NUDCD1: variants seen among roughly 807,000 people sequenced by gnomAD.
NUDCD1 encodes the protein NudC domain containing 1.
Under a neutral mutation model 67.8 loss-of-function variants are expected in NUDCD1, and 60 were observed. The ratio of observed to expected loss-of-function variants is 0.88; its 90% CI spans 0.72 to 1.10. The LOEUF (loss-of-function observed/expected upper bound fraction) is 1.10, where lower values mean the gene tolerates loss of function less well. NUDCD1 is among the 50% of genes least tolerant of loss of function. The pLI is 0.00. For synonymous variants in NUDCD1, 244 were observed against 230.8 expected, an observed-to-expected ratio of 1.06 and a Z score of -0.52; for missense variants, 643 against 695.0, an observed-to-expected ratio of 0.93 and a Z score of 0.84.
chr8:109,278,211 A>G (rs1366785073), intron 6 of NUDCD1, among the ~76,000 whole-genome samples: 1 of 152,232 alleles, frequency 6.6e-6, no homozygotes, highest in Non-Finnish European at 1.5e-5. Flanking sequence ...GCCTAACTCT[A>G]TTCATTAATC....
At chr8:109,294,749 C>G (rs1814801656) in intron 3 of NUDCD1, among the ~76,000 whole-genome samples, 1 of 152,052 alleles carries the variant, frequency 6.6e-6, no homozygotes, top group African/African-American at 2.4e-5. Flanking sequence ...TTAGAGGCAA[C>G]ACATTTGGAA....
At chr8:109,245,948 A>AGATCAGCAGTG (rs1644670079) in intron 8 of NUDCD1, among the ~76,000 whole-genome samples, 1 of 152,328 alleles carries the variant, frequency 6.6e-6, no homozygotes, top group African/African-American at 2.4e-5. Context: ...ACCTCCTGTC[A>AGATCAGCAGTG]GATCAGCAGT....
intron 8 of NUDCD1, among the ~76,000 whole-genome samples, chr8:109,266,936 G>T (rs936926304): frequency 6.6e-6 from 1 of 152,084 alleles, no homozygotes; most frequent in Admixed American, 6.6e-5. Flanking sequence ...AAAACATAGA[G>T]TTCTGACCTT....
At chr8:109,320,110 G>A (rs556535254) in intron 2 of NUDCD1, among the ~76,000 whole-genome samples, 61 of 152,314 alleles carry the variant, frequency 4.0e-4, no homozygotes, top group Non-Finnish European at 7.5e-4. Context: ...GGACTGGGGC[G>A]AAATTAAAAT....
chr8:109,303,363 G>A (rs1243875896), intron 2 of NUDCD1, among the ~76,000 whole-genome samples: 3 of 152,138 alleles, frequency 2.0e-5, no homozygotes, highest in African/African-American at 7.2e-5. Context: ...GGGTAAGTCT[G>A]TCCCCTTCTT....
chr8:109,305,292 C>T (rs1815077946), intron 2 of NUDCD1, among the ~76,000 whole-genome samples: 1 of 152,138 alleles, frequency 6.6e-6, no homozygotes, highest in East Asian at 1.9e-4. Flanking sequence ...CTGAGAAGGC[C>T]ACTGTGGTCA....
In NUDCD1 at chr8:109,309,170, C is replaced by T. The variant is rs981858361; in HGVS notation, c.274-12601G>A. ...AGGACATAACCAAAAAAGAAAACTACAGAGAGATATCCTTGATGAACCTAG... is the reference window on the plus strand; with the variant it reads ...AGGACATAACCAAAAAAGAAAACTATAGAGAGATATCCTTGATGAACCTAG... On this transcript the variant is annotated intron_variant, in intron 2 of 9. Transcript: ENST00000239690. 2.0e-5 allele frequency among the ~76,000 whole-genome samples: 3 copies of T among 151,686 alleles called. No homozygotes were observed. In the South Asian group the frequency reaches 6.2e-4, roughly 31 times the overall value.
In NUDCD1 at chr8:109,314,077, T is replaced by C. The variant is rs1244543557; in HGVS notation, c.273+8232A>G. ...ATATCTTTTTCTCTAAATCCCAAAA[T>C]ATAGCATTTACTTATATCTGAATAA... On this transcript the variant is annotated intron_variant, in intron 2 of 9. Transcript: ENST00000239690. 4.6e-5 allele frequency among the ~76,000 whole-genome samples: 7 copies of C among 152,288 alleles called. No homozygotes were observed. The East Asian group carries it at 1.3e-3, about 29-fold the overall frequency.
intron 6 of NUDCD1, among the ~76,000 whole-genome samples, chr8:109,276,672 T>C: frequency 6.6e-6 from 1 of 152,222 alleles, no homozygotes; most frequent in East Asian, 1.9e-4. Context: ...CTTTTCTTTT[T>C]TTGAGACAGA....
At chr8:109,290,934 G>A (rs1305837277) in intron 4 of NUDCD1, among the ~76,000 whole-genome samples, 1 of 152,026 alleles carries the variant, frequency 6.6e-6, no homozygotes, top group Non-Finnish European at 1.5e-5. Flanking sequence ...ACATATTTAA[G>A]AACAGGCTTG....
intron 8 of NUDCD1, 37 bp from the exon 9 acceptor site, chr8:109,245,518 AAATT>A (rs1813474554): frequency 4.6e-6 from 7 of 1,517,262 alleles, no homozygotes; most frequent in East Asian, 2.3e-5. Flanking sequence ...ACTCAACAAC[AAATT>A]AATAATAGCA....
intron 3 of NUDCD1, among the ~76,000 whole-genome samples, chr8:109,294,239 C>T (rs1415018184): frequency 6.6e-6 from 1 of 151,646 alleles, no homozygotes; most frequent in Non-Finnish European, 1.5e-5. Context: ...AAAACAAAAA[C>T]AAAAAACAAA....
chr8:109,308,493 T>C (rs2130085960), intron 2 of NUDCD1, among the ~76,000 whole-genome samples: 1 of 151,756 alleles, frequency 6.6e-6, no homozygotes, highest in South Asian at 2.1e-4. Context: ...CAGAACTAAA[T>C]GAAATTGAAA....
At chr8:109,312,664 G>A (rs1024903163) in intron 2 of NUDCD1, among the ~76,000 whole-genome samples, 2 of 152,172 alleles carry the variant, frequency 1.3e-5, no homozygotes, top group South Asian at 4.1e-4. Flanking sequence ...CAACCTAGTT[G>A]TTTATCAATA....
At chr8:109,270,067 C>CGGGGGGGGGGGGGGG (rs1171291973) in intron 8 of NUDCD1, among the ~76,000 whole-genome samples, 1 of 4,568 alleles carries the variant, frequency 2.2e-4, no homozygotes, top group Non-Finnish European at 4.1e-4. Context: ...GTGGCGGGGG[C>CGGGGGGGGGGGGGGG]GGGGGGGGGG....
intron 8 of NUDCD1, among the ~76,000 whole-genome samples, chr8:109,263,708 C>A (rs556816228): frequency 6.6e-6 from 1 of 152,078 alleles, no homozygotes; most frequent in East Asian, 1.9e-4. Context: ...TATGCAGAAC[C>A]CTATTGGGTT....
chr8:109,311,220 A>G (rs67974558), intron 2 of NUDCD1, among the ~76,000 whole-genome samples: 26,055 of 151,996 alleles, frequency 0.17, 3,153 homozygotes, highest in African/African-American at 0.34. Flanking sequence ...ACAATGCGAT[A>G]CCCCCAACTT....
intron 2 of NUDCD1, among the ~76,000 whole-genome samples, chr8:109,319,840 C>A (rs999114464): frequency 6.6e-6 from 1 of 152,140 alleles, no homozygotes; most frequent in Non-Finnish European, 1.5e-5. Context: ...TTTCTATTTT[C>A]CCTAAGCATC....
At chr8:109,247,192 C>G (rs1200333463) in intron 8 of NUDCD1, among the ~76,000 whole-genome samples, 2 of 152,186 alleles carry the variant, frequency 1.3e-5, no homozygotes, top group Non-Finnish European at 2.9e-5. Flanking sequence ...TGCTTCAGCT[C>G]TCTTCCCTGT....
Sources: gnomAD v4.1 joint callset for allele counts (sites outside exome capture counted in the v4.1 genomes callset) on GRCh38, gnomAD v4.1.1 for gene constraint, MANE v1.5 for transcripts, NCBI Gene and HGNC (gene_info 2026-07-23, HGNC 2026-07-21) for gene names.